Variants in TXNRD3 observed in about 807,000 individuals in gnomAD.
TXNRD3 encodes thioredoxin reductase 3.
TXNRD3 carries 68 observed loss-of-function variants against 78.2 expected under a neutral mutation model. The ratio of observed to expected loss-of-function variants is 0.87; its 90% CI spans 0.72 to 1.06. The LOEUF is 1.06. TXNRD3 is among the 50% of genes least tolerant of loss of function. The probability of loss-of-function intolerance (pLI) is 0.00; values close to 1 mark genes in which losing one functional copy is unlikely to be tolerated. For synonymous variants in TXNRD3, 296 were observed against 300.1 expected (o/e 0.99, Z 0.14); for missense variants, 751 against 809.5 (o/e 0.93, Z 0.88).
intron 13 of TXNRD3, among the ~76,000 whole-genome samples, chr3:126,613,657 C>T (rs1034878499): frequency 2.0e-5 from 3 of 152,182 alleles, no homozygotes; most frequent in Admixed American, 6.5e-5. Flanking sequence ...ATTCCTGCCA[C>T]CTAGTGACGT....
intron 8 of TXNRD3, 22 bp downstream of exon 8, chr3:126,631,742 A>G (rs1938719040): frequency 2.9e-6 from 4 of 1,383,536 alleles, no homozygotes; most frequent in Non-Finnish European, 4.0e-6. Context: ...CATTAAAGTT[A>G]AAATAGTCTA....
At chr3:126,653,759 T>C (rs1933442950) in intron 1 of TXNRD3, among the ~76,000 whole-genome samples, 1 of 152,198 alleles carries the variant, frequency 6.6e-6, no homozygotes, top group Non-Finnish European at 1.5e-5. Context: ...AGAATAAACA[T>C]ATAGCTGTAC....
intron 5 of TXNRD3, 114 bp from the exon 6 acceptor site, chr3:126,642,265 C>A: frequency 2.3e-6 from 3 of 1,293,584 alleles, no homozygotes; most frequent in Middle Eastern, 1.9e-4. Flanking sequence ...GGGGATGACA[C>A]CCCACCCCAA....
intron 5 of TXNRD3, among the ~76,000 whole-genome samples, chr3:126,642,609 A>G (rs1024279641): frequency 8.5e-5 from 13 of 152,230 alleles, no homozygotes; most frequent in Non-Finnish European, 1.8e-4. Flanking sequence ...TTTGCAGGGC[A>G]GGTCTCAGAT....
rs191047725 is a variant in TXNRD3, at chr3:126,609,988, G to A, written c.1728+1049C>T. On this transcript the variant is annotated intron_variant, in intron 14 of 15. Coordinates refer to ENST00000524230, the MANE Select transcript of TXNRD3 (RefSeq NM_052883.3). The stretch of plus-strand genomic sequence containing the variant: ...AGAATCAGGATATAGCCCAGCACAT[G>A]AGCACCCACCCTCAGGAGCACAGCT... 5.9e-5 allele frequency among the ~76,000 whole-genome samples: 9 copies of A among 152,252 alleles called. No individual in the cohort carries two copies. The East Asian group carries it at 1.5e-3, about 26-fold the overall frequency.
rs149763707 is a variant in TXNRD3, at chr3:126,627,577, G to T, written c.1290+1802C>A. ...TCATTACAAAAATAATTTACAGTTA[G>T]ATATTATGGACAACTTCATACCAAT... On this transcript the variant is annotated intron_variant, in intron 10 of 15. Coordinates refer to ENST00000524230, the MANE Select transcript of TXNRD3 (RefSeq NM_052883.3). Among the ~76,000 whole-genome samples the T allele has an allele frequency of 5.5e-3, 840 of 152,210 alleles. 9 individuals are homozygous for T. Among genetic ancestry groups the T allele is most frequent in the African/African-American group, 0.019 (787 of 41,514 alleles).
At chr3:126,648,798 G>A (rs916961716) in intron 1 of TXNRD3, among the ~76,000 whole-genome samples, 25 of 152,290 alleles carry the variant, frequency 1.6e-4, no homozygotes, top group East Asian at 1.9e-4. Flanking sequence ...ATGATTTTAT[G>A]GATATGATCT....
intron 6 of TXNRD3, among the ~76,000 whole-genome samples, chr3:126,634,476 T>C (rs1938803320): frequency 6.6e-6 from 1 of 152,214 alleles, no homozygotes; most frequent in Non-Finnish European, 1.5e-5. Context: ...ACTGGCATGG[T>C]TCCACTCTCA....
chr3:126,618,674 C>T (rs1938370798), intron 12 of TXNRD3, among the ~76,000 whole-genome samples: 1 of 151,666 alleles, frequency 6.6e-6, no homozygotes, highest in Non-Finnish European at 1.5e-5. Context: ...TAGGTAAGAC[C>T]TCAAAAACAC....
Position 126,621,882 on chromosome 3 carries a change from C to A in TXNRD3, c.1384G>T (p.Val462Leu), listed in dbSNP as rs1326751445. 3.3e-6 allele frequency: 5 copies of A among 1,512,610 alleles called. No homozygotes were observed. The East Asian group carries it at 7.4e-5, about 22-fold the overall frequency. 93.7% of individuals were successfully genotyped at this position (1,512,610 alleles called of 1,614,324 possible). A position where few individuals can be genotyped will look rare whatever the true frequency, so the allele number is the denominator to read the frequency against. Reference sequence around the variant, plus strand: ...ACATTGGTCTGTTCCACATCATTTACAGGTATTTTTCCACTCCTATTAGTT... The same window carrying A: ...ACATTGGTCTGTTCCACATCATTTAAAGGTATTTTTCCACTCCTATTAGTT... Residue 462 changes from valine (V) to leucine (L), a missense_variant, in exon 12 of 16, where the codon GTA (valine) becomes TTA (leucine). Val to Leu is a conservative substitution (Grantham distance 32). Coordinates refer to ENST00000524230, the MANE Select transcript of TXNRD3 (RefSeq NM_052883.3).
In TXNRD3 at chr3:126,621,861, T is replaced by A; in HGVS notation, c.1405A>T (p.Asn469Tyr). 5 of 1,530,640 alleles carry A rather than the reference T, an allele frequency of 3.3e-6. No individual in the cohort carries two copies. The highest frequency in any genetic ancestry group is 4.4e-6 in the Non-Finnish European group (5 of 1,145,536). The allele number at this position is 1,530,640 out of a possible 1,614,324, so 94.8% of individuals were successfully genotyped here. Residue 469 changes from asparagine (N) to tyrosine (Y), a missense_variant, in exon 12 of 16, where the codon AAT (asparagine) becomes TAT (tyrosine). By Grantham distance (143) the Asn-to-Tyr change is moderately radical (BLOSUM62 -2). Coordinates refer to ENST00000524230, the MANE Select transcript of TXNRD3 (RefSeq NM_052883.3). Reference sequence around the variant, plus strand: ...CCAACAGCATAGACATATGGCACATTGGTCTGTTCCACATCATTTACAGGT... The same window carrying A: ...CCAACAGCATAGACATATGGCACATAGGTCTGTTCCACATCATTTACAGGT...
chr3:126,614,242 G>T (rs898315818), intron 13 of TXNRD3, among the ~76,000 whole-genome samples: 16 of 152,110 alleles, frequency 1.1e-4, no homozygotes, highest in Admixed American at 8.5e-4. Flanking sequence ...CTGTCAAAAT[G>T]CAATAAATAA....
chr3:126,639,844 T>C (rs980463451), intron 6 of TXNRD3, among the ~76,000 whole-genome samples: 2 of 152,142 alleles, frequency 1.3e-5, no homozygotes, highest in Non-Finnish European at 2.9e-5. Flanking sequence ...TCCTTCTACC[T>C]CAGCCTCCCA....
intron 6 of TXNRD3, among the ~76,000 whole-genome samples, chr3:126,640,338 A>G (rs1933043145): frequency 1.1e-4 from 1 of 8,996 alleles, no homozygotes; most frequent in African/African-American, 1.7e-4. Flanking sequence ...CGATCTCCTG[A>G]CCTCGTGATC....
At chr3:126,654,000 A>G (rs1933449053) in intron 1 of TXNRD3, among the ~76,000 whole-genome samples, 1 of 152,098 alleles carries the variant, frequency 6.6e-6, no homozygotes, top group Non-Finnish European at 1.5e-5. Context: ...ATATTGATGA[A>G]TAATATATAT....
intron 3 of TXNRD3, among the ~76,000 whole-genome samples, chr3:126,645,126 G>A (rs1047134250): frequency 2.0e-5 from 3 of 152,090 alleles, no homozygotes; most frequent in Non-Finnish European, 2.9e-5. Flanking sequence ...TCATAACTAC[G>A]TGGACTCACC....
chr3:126,608,475 T>G (rs563572470), intron 15 of TXNRD3, 24 bp downstream of exon 15: 4 of 1,510,728 alleles, frequency 2.6e-6, no homozygotes, highest in East Asian at 2.5e-5. Context: ...CTGAAGCCAA[T>G]TTTTAAAACC....
chr3:126,609,853 C>T (rs888707023), intron 14 of TXNRD3, among the ~76,000 whole-genome samples: 2 of 152,198 alleles, frequency 1.3e-5, no homozygotes, highest in African/African-American at 4.8e-5. Flanking sequence ...TCCCATCAAA[C>T]CCCAACCCTC....
intron 7 of TXNRD3, among the ~76,000 whole-genome samples, chr3:126,632,921 C>G (rs912741821): frequency 3.3e-5 from 5 of 152,110 alleles, no homozygotes; most frequent in Non-Finnish European, 7.3e-5. Flanking sequence ...AAACAAGGAG[C>G]CACACAACAG....
Sources: allele counts gnomAD v4.1 joint callset (sites outside exome capture counted in the v4.1 genomes callset), GRCh38; gene constraint gnomAD v4.1.1; transcripts MANE v1.5; gene names NCBI Gene and HGNC (gene_info 2026-07-23, HGNC 2026-07-21).